Variants in NRG3 observed in about 807,000 individuals in gnomAD.
NRG3 encodes neuregulin 3, also known as pro-neuregulin-3, membrane-bound isoform.
Under a neutral mutation model 66.9 loss-of-function variants are expected in NRG3, and 31 were observed. That is an observed-to-expected ratio of 0.46 (90% CI 0.35 to 0.63). NRG3 has a LOEUF of 0.63. NRG3 is among the 20% of genes least tolerant of loss of function. The probability of loss-of-function intolerance (pLI) is 0.00; values close to 1 mark genes in which losing one functional copy is unlikely to be tolerated. For missense variants in NRG3, 910 were observed against 878.9 expected (o/e 1.04, Z -0.45); for synonymous variants, 393 against 359.4 (o/e 1.09, Z -1.06).
At chr10:82,939,834 G>C (rs1473529895) in intron 4 of NRG3, among the ~76,000 whole-genome samples, 3 of 151,588 alleles carry the variant, frequency 2.0e-5, no homozygotes, top group Non-Finnish European at 4.4e-5. Flanking sequence ...TGAATCCCTA[G>C]GGTAAATGTA....
chr10:82,058,036 C>T lies in NRG3; in HGVS notation c.823+181873C>T, dbSNP rs546389736. On this transcript the variant is annotated intron_variant, in intron 1 of 8. Coordinates refer to ENST00000372141, the MANE Select transcript of NRG3 (RefSeq NM_001010848.4). ...TCCCTTACTCTCCTGTGACTACAGTCGTGCATTAAAAACCGATTATTTGAT... is the reference window on the plus strand; with the variant it reads ...TCCCTTACTCTCCTGTGACTACAGTTGTGCATTAAAAACCGATTATTTGAT... 2.6e-5 allele frequency among the ~76,000 whole-genome samples: 4 copies of T among 151,136 alleles called. No homozygotes were observed. The South Asian group carries it at 6.3e-4, about 24-fold the overall frequency.
intron 2 of NRG3, among the ~76,000 whole-genome samples, chr10:82,492,178 A>G (rs924186386): frequency 1.4e-4 from 21 of 152,172 alleles, no homozygotes; most frequent in African/African-American, 4.6e-4. Flanking sequence ...ATAATTTCCA[A>G]TTGCTCATGG....
chr10:82,419,780 C>G (rs906472830), intron 2 of NRG3, among the ~76,000 whole-genome samples: 1 of 152,080 alleles, frequency 6.6e-6, no homozygotes, highest in African/African-American at 2.4e-5. Flanking sequence ...GTGACATGAT[C>G]TTTTAGAGTT....
At chr10:82,966,167 T>G (rs1851189474) in intron 6 of NRG3, among the ~76,000 whole-genome samples, 1 of 152,170 alleles carries the variant, frequency 6.6e-6, no homozygotes. Context: ...AAATCCCACA[T>G]GTTGGCATTC....
chr10:82,236,710 CTT>C (rs370359467), intron 1 of NRG3, among the ~76,000 whole-genome samples: 7,472 of 92,904 alleles, frequency 0.08, 65 homozygotes, highest in Non-Finnish European at 0.11. Flanking sequence ...AAAACTAGAA[CTT>C]TTTTTTTTTT....
At chr10:81,879,922 A>T (rs1035447009) in intron 1 of NRG3, among the ~76,000 whole-genome samples, 3 of 152,220 alleles carry the variant, frequency 2.0e-5, no homozygotes, top group African/African-American at 7.2e-5. Context: ...CGAGGCCTTT[A>T]AAGGCATCCA....
At chr10:82,262,549 G>T (rs2078084781) in intron 1 of NRG3, among the ~76,000 whole-genome samples, 1 of 152,186 alleles carries the variant, frequency 6.6e-6, no homozygotes, top group Non-Finnish European at 1.5e-5. Flanking sequence ...TGCTACCAAT[G>T]TCTAGCCTTA....
At chr10:82,398,526 T>TGAGAGAGAGAGA (rs10690548) in intron 2 of NRG3, among the ~76,000 whole-genome samples, 8 of 136,516 alleles carry the variant, frequency 5.9e-5, no homozygotes, top group African/African-American at 2.3e-4. Context: ...TGTGTGTGTG[T>TGAGAGAGAGAGA]GAGAGAGAGA....
chr10:82,363,483 T>A (rs938547822), intron 2 of NRG3, among the ~76,000 whole-genome samples: 5 of 152,102 alleles, frequency 3.3e-5, no homozygotes, highest in Non-Finnish European at 7.3e-5. Flanking sequence ...TGAGACGGAG[T>A]CTCGCTCTGT....
chr10:82,686,655 G>T (rs1412142444), intron 2 of NRG3, among the ~76,000 whole-genome samples: 1 of 152,120 alleles, frequency 6.6e-6, no homozygotes, highest in Non-Finnish European at 1.5e-5. Flanking sequence ...AGTCATATAC[G>T]CAGTCTGTTG....
At chr10:82,043,561 C>T (rs2063136257) in intron 1 of NRG3, among the ~76,000 whole-genome samples, 1 of 151,980 alleles carries the variant, frequency 6.6e-6, no homozygotes, top group Middle Eastern at 3.4e-3. Context: ...TGATCAATTT[C>T]TGTTTGGGTA....
chr10:82,259,448 T>A (rs1230490088), intron 1 of NRG3, among the ~76,000 whole-genome samples: 1 of 152,114 alleles, frequency 6.6e-6, no homozygotes, highest in Non-Finnish European at 1.5e-5. Context: ...GAATTCAGGA[T>A]GTTTATGAAA....
chr10:82,295,989 A>C (rs1446720951), intron 1 of NRG3, among the ~76,000 whole-genome samples: 1 of 152,146 alleles, frequency 6.6e-6, no homozygotes. Context: ...TGAAGAAGAG[A>C]TCCTGGTGCA....
intron 2 of NRG3, among the ~76,000 whole-genome samples, chr10:82,477,554 G>A (rs980506396): frequency 6.6e-6 from 1 of 152,132 alleles, no homozygotes; most frequent in Non-Finnish European, 1.5e-5. Context: ...AATTAGCTGA[G>A]TATAACACAA....
chr10:82,025,288 T>C (rs1472698439), intron 1 of NRG3, among the ~76,000 whole-genome samples: 1 of 150,842 alleles, frequency 6.6e-6, no homozygotes, highest in Non-Finnish European at 1.5e-5. Context: ...ATAAGAAATA[T>C]ATATAAGAAA....
intron 3 of NRG3, among the ~76,000 whole-genome samples, chr10:82,826,301 T>C (rs1250030478): frequency 6.6e-6 from 1 of 152,212 alleles, no homozygotes; most frequent in African/African-American, 2.4e-5. Flanking sequence ...CTCCATTTGG[T>C]ATCCATATCT....
At chr10:82,543,188 AG>A (rs1180751103) in intron 2 of NRG3, among the ~76,000 whole-genome samples, 2 of 152,134 alleles carry the variant, frequency 1.3e-5, no homozygotes, top group Non-Finnish European at 2.9e-5. Flanking sequence ...CACCGTGCCC[AG>A]CCTAGATCAT....
rs1375058207 is a variant in NRG3 at position 82,746,590 on chromosome 10, A to G, written c.1027+7940A>G. ...CTGTCATCTCTCCTCTGTCCTTTTTATAGTTTCAAAGTCAGAGAGGGAGAT... is the reference window on the plus strand; with the variant it reads ...CTGTCATCTCTCCTCTGTCCTTTTTGTAGTTTCAAAGTCAGAGAGGGAGAT... On this transcript the variant is annotated intron_variant, in intron 3 of 8. Coordinates refer to ENST00000372141, the MANE Select transcript of NRG3 (RefSeq NM_001010848.4). 2.0e-5 allele frequency among the ~76,000 whole-genome samples: 3 copies of G among 152,150 alleles called. No individual in the cohort carries two copies. The East Asian group carries it at 5.8e-4, about 29-fold the overall frequency.
intron 1 of NRG3, among the ~76,000 whole-genome samples, chr10:82,228,311 T>C (rs12244264): frequency 0.041 from 6,276 of 152,268 alleles, 160 homozygotes; most frequent in African/African-American, 0.047. Flanking sequence ...TTTTTGTAAA[T>C]GTGAGTCACA....
Sources: allele counts gnomAD v4.1 joint callset (sites outside exome capture counted in the v4.1 genomes callset), GRCh38; gene constraint gnomAD v4.1.1; transcripts MANE v1.5; gene names NCBI Gene and HGNC (gene_info 2026-07-23, HGNC 2026-07-21).